CLCN6: variants seen among roughly 807,000 people sequenced by gnomAD.
CLCN6 encodes H(+)/Cl(-) exchange transporter 6.
A neutral mutation model predicts 109.8 loss-of-function variants in CLCN6; 70 were observed. That is an observed-to-expected ratio of 0.64 (90% CI 0.53 to 0.78). CLCN6 has a LOEUF of 0.78. CLCN6 is among the 30% of genes least tolerant of loss of function. The pLI, the probability that CLCN6 is intolerant of heterozygous loss-of-function variation, is 0.00. For synonymous variants in CLCN6, 444 were observed against 447.8 expected (o/e 0.99, Z 0.11); for missense variants, 984 against 1,142.3 (o/e 0.86, Z 2.00).
intron 17 of CLCN6, among the ~76,000 whole-genome samples, 174 bp from the exon 18 acceptor site, chr1:11,835,793 T>C (rs1458186408): frequency 1.3e-5 from 2 of 152,052 alleles, no homozygotes; most frequent in African/African-American, 2.4e-5. Flanking sequence ...GAACAGCATG[T>C]GTCGGGGGAT....
At position 11,833,740 on chromosome 1, in the gene CLCN6, G is replaced by A. The variant is rs186902692; in HGVS notation, c.1372+102G>A. The A allele has an allele frequency of 1.6e-4, 255 of 1,569,712 alleles. 1 individual carries two copies. In the African/African-American group the frequency reaches 3.0e-3, roughly 18 times the overall value. ...AGCAAGACCAGGACTTCTTTGTAAC[G>A]CCCACCCAGACAAAAGATTGGTTTC... On this transcript the variant is annotated intron_variant, in intron 14 of 22. Transcript: ENST00000346436.
intron 4 of CLCN6, 38 bp downstream of exon 4, chr1:11,816,718 G>A (rs1000373283): frequency 7.2e-6 from 11 of 1,531,120 alleles, no homozygotes; most frequent in Non-Finnish European, 9.9e-6. Context: ...TGGGCCATAG[G>A]GCTGGAGGGG....
In CLCN6 at chr1:11,837,483, A is replaced by G; in HGVS notation, c.2279A>G (p.Tyr760Cys). The change falls in exon 20 of 23, where the codon TAC (tyrosine) becomes TGC (cysteine). Residue 760 changes from tyrosine (Y) to cysteine (C), a missense_variant. Tyr to Cys is a radical substitution (Grantham distance 194). Coordinates refer to ENST00000346436, the MANE Select transcript of CLCN6 (RefSeq NM_001286.5). ...LVTLLVRGVC[Y>C]SESQSSASQP... The stretch of plus-strand genomic sequence containing the variant: ...ACCCTGCTTGTCCGAGGAGTTTGTT[A>G]CTCTGAAAGCCAGTCGGTAAGTCTC... 6.2e-7 allele frequency: 1 copy of G among 1,613,344 alleles called. No homozygotes were observed.
In CLCN6 at chr1:11,828,095, C is replaced by T. The variant is rs1422522649; in HGVS notation, c.841-11C>T. ...CCTGAACCTTCTTGTCTTTTGTCAC[C>T]TCTCCCCTAGCTCTTTTGTTCCATG... On this transcript the variant is annotated splice_polypyrimidine_tract_variant and intron_variant, in intron 10 of 22. Coordinates refer to ENST00000346436, the MANE Select transcript of CLCN6 (RefSeq NM_001286.5). 1.2e-6 allele frequency: 2 copies of T among 1,603,882 alleles called. No individual in the cohort carries two copies. Among genetic ancestry groups the T allele is most frequent in the Admixed American group, 3.3e-5 (2 of 59,984 alleles).
rs761643318 is a variant in CLCN6, at chr1:11,836,015, G to A, written c.1842G>A (p.Pro614=). The part of the protein sequence containing the change: ...IMEPNLTYVY[P]HTRIQSLVSI... Reference sequence around the variant, plus strand: ...AGCCCAACCTGACCTACGTCTACCCGCACACCCGCATCCAGTCTCTGGTGA... The same window carrying A: ...AGCCCAACCTGACCTACGTCTACCCACACACCCGCATCCAGTCTCTGGTGA... Residue 614 remains proline, a synonymous_variant, in exon 18 of 23, where the codon CCG becomes CCA. Transcript: ENST00000346436. 1.9e-5 allele frequency: 30 copies of A among 1,613,608 alleles called. No individual in the cohort carries two copies. The highest frequency in any genetic ancestry group is 2.4e-5 in the Non-Finnish European group (28 of 1,179,908).
chr1:11,812,664 TTGTGTGTGTGTGTG>T lies in CLCN6; in HGVS notation c.148-3148_148-3135del, dbSNP rs61487985. On this transcript the variant is annotated intron_variant, in intron 2 of 22. Transcript: ENST00000346436. ...AAAAAAAAAAAAAGACAAAGTATGTTTGTGTGTGTGTGTGTGTGTGTGTGTGTGTGTGTGTGTGT... is the reference window on the plus strand; with the variant it reads ...AAAAAAAAAAAAAGACAAAGTATGTTTGTGTGTGTGTGTGTGTGTGTGTGT... 4.5e-3 allele frequency among the ~76,000 whole-genome samples: 577 copies of T among 127,016 alleles called. 15 individuals are homozygous for T. Among genetic ancestry groups the T allele is most frequent in the Admixed American group, 0.022 (278 of 12,514 alleles). 83.3% of individuals were successfully genotyped at this position (127,016 alleles called of 152,430 possible).
At chr1:11,835,844 G>A (rs752931131) in intron 17 of CLCN6, 123 bp from the exon 18 acceptor site, 2 of 686,920 alleles carry the variant, frequency 2.9e-6, no homozygotes, top group South Asian at 3.8e-5. Context: ...GGAGAGCTGG[G>A]GCAGTTCAGA....
rs1456369668 is a variant in CLCN6, at chr1:11,838,523, G to C, written c.2404-12G>C. On this transcript the variant is annotated splice_polypyrimidine_tract_variant and intron_variant, in intron 21 of 22. Transcript: ENST00000346436. ...CGTCTCAGGCAGTCAGTGACACGTGGTCTCTTTGCAGGATGTCACCCCATA... is the reference window on the plus strand; with the variant it reads ...CGTCTCAGGCAGTCAGTGACACGTGCTCTCTTTGCAGGATGTCACCCCATA... 2 of 1,607,132 alleles carry C rather than the reference G, an allele frequency of 1.2e-6. No individual in the cohort carries two copies. Among genetic ancestry groups the C allele is most frequent in the African/African-American group, 2.7e-5 (2 of 74,786 alleles).
At chr1:11,828,717 C>T (rs1644844596) in intron 12 of CLCN6, 93 bp downstream of exon 12, 3 of 1,321,064 alleles carry the variant, frequency 2.3e-6, no homozygotes, top group East Asian at 2.3e-5. Context: ...GACCCTGCCT[C>T]CACGGCTTTG....
rs1047663109 is a variant in CLCN6 at position 11,842,359 on chromosome 1, C to T, written c.*2136C>T. 14 of 152,668 alleles carry T rather than the reference C, an allele frequency of 9.2e-5. 1 individual carries two copies. The highest frequency in any genetic ancestry group is 4.4e-5 in the Non-Finnish European group (3 of 68,064). The allele number at this position is 152,668 out of a possible 1,614,324, so 9.5% of individuals were successfully genotyped here. ...ACCTCCCTCCCCTAAACTGACTGGA[C>T]GGCTGCCAAGGAGGCCCCAAACCCA... On this transcript the variant is annotated 3_prime_UTR_variant, in exon 23 of 23. Transcript: ENST00000346436.
rs1356346218 is a variant in CLCN6 at position 11,816,651 on chromosome 1, G to A, written c.250G>A (p.Val84Met). 5.0e-6 allele frequency: 8 copies of A among 1,613,148 alleles called. No individual in the cohort carries two copies. Among genetic ancestry groups the A allele is most frequent in the South Asian group, 2.2e-5 (2 of 90,832 alleles). Reference protein sequence around the residue: ...RRYEAVKWMVVFAIGVCTGLV... With the variant: ...RRYEAVKWMVMFAIGVCTGLV... ...ATATGAGGCGGTGAAGTGGATGGTG[G>A]TGTTTGCCATTGGAGTCTGCACTGG... Residue 84 changes from valine (V) to methionine (M), a missense_variant, in exon 4 of 23, where the codon GTG becomes ATG. Transcript: ENST00000346436.
intron 2 of CLCN6, among the ~76,000 whole-genome samples, chr1:11,810,014 G>A (rs1285179112): frequency 6.6e-6 from 1 of 152,180 alleles, no homozygotes; most frequent in South Asian, 2.1e-4. Context: ...TTTAAAACAC[G>A]TGTTAAAAGC....
At chr1:11,820,455 G>A (rs567980054) in intron 5 of CLCN6, 21 of 705,574 alleles carry the variant, frequency 3.0e-5, no homozygotes, top group Non-Finnish European at 5.3e-5. Context: ...AACTCCAGAA[G>A]GCACAGACTA....
chr1:11,841,137 A>G lies in CLCN6; in HGVS notation c.*914A>G, dbSNP rs1490534221. Reference sequence around the variant, plus strand: ...CTCCTGGATAAAGCAGCTTCACTCAACTCTGGGGAATGCTACCATTTTTTT... The same window carrying G: ...CTCCTGGATAAAGCAGCTTCACTCAGCTCTGGGGAATGCTACCATTTTTTT... On this transcript the variant is annotated 3_prime_UTR_variant, in exon 23 of 23. Coordinates refer to ENST00000346436, the MANE Select transcript of CLCN6 (RefSeq NM_001286.5). 1.3e-5 allele frequency: 2 copies of G among 152,616 alleles called. No homozygotes were observed. The highest frequency in any genetic ancestry group is 4.8e-5 in the African/African-American group (2 of 41,432). The allele number at this position is 152,616 out of a possible 1,614,324, so 9.5% of individuals were successfully genotyped here.
intron 4 of CLCN6, among the ~76,000 whole-genome samples, chr1:11,817,585 A>G (rs1644689631): frequency 6.6e-6 from 1 of 152,220 alleles, no homozygotes; most frequent in African/African-American, 2.4e-5. Flanking sequence ...ATTGTTAAAT[A>G]TGAGGAAGAG....
chr1:11,838,758 C>A, intron 22 of CLCN6, 98 bp downstream of exon 22: 1 of 1,551,644 alleles, frequency 6.4e-7, no homozygotes, highest in Non-Finnish European at 8.9e-7. Flanking sequence ...CGTAGGCATC[C>A]CACCAGGAGG....
At chr1:11,825,059 C>T (rs1396999461) in intron 8 of CLCN6, among the ~76,000 whole-genome samples, 1 of 152,194 alleles carries the variant, frequency 6.6e-6, no homozygotes, top group African/African-American at 2.4e-5. Context: ...TACCCCCATC[C>T]TCAGATGGGG....
At chr1:11,822,372 C>T (rs1286615595) in intron 5 of CLCN6, among the ~76,000 whole-genome samples, 2 of 152,138 alleles carry the variant, frequency 1.3e-5, no homozygotes, top group Admixed American at 6.5e-5. Flanking sequence ...GATCCTCCCA[C>T]CTCAGCTTCT....
chr1:11,811,875 A>G (rs368447961), intron 2 of CLCN6, among the ~76,000 whole-genome samples: 41 of 152,362 alleles, frequency 2.7e-4, no homozygotes, highest in African/African-American at 9.1e-4. Context: ...TGGAACCATC[A>G]ATGAAGTACT....
Sources: gnomAD v4.1 joint callset for allele counts (sites outside exome capture counted in the v4.1 genomes callset) on GRCh38, gnomAD v4.1.1 for gene constraint, MANE v1.5 for transcripts, NCBI Gene and HGNC (gene_info 2026-07-23, HGNC 2026-07-21) for gene names.